The following CIT variants were observed in gnomAD, a reference collection of about 807,000 sequenced individuals.
CIT encodes the protein citron Rho-interacting kinase.
In CIT, 79 loss-of-function variants were observed where a neutral mutation model predicts 272.7. That is an observed-to-expected ratio of 0.29 (90% CI 0.24 to 0.35). The LOEUF is 0.35. Ranked by LOEUF, CIT falls within the 10% of genes least tolerant of loss-of-function variation. CIT has a pLI of 1.00. For synonymous variants in CIT, 948 were observed against 995.6 expected (o/e 0.95, Z 0.90); for missense variants, 1,909 against 2,618.3 (o/e 0.73, Z 5.91).
chr12:119,815,149 T>C (rs1390443310), intron 9 of CIT, among the ~76,000 whole-genome samples: 1 of 146,874 alleles, frequency 6.8e-6, no homozygotes, highest in African/African-American at 2.5e-5. Flanking sequence ...GCACAAGCCA[T>C]TGAGATAATG....
At chr12:119,773,250 T>C (rs988406761) in intron 16 of CIT, among the ~76,000 whole-genome samples, 1 of 152,190 alleles carries the variant, frequency 6.6e-6, no homozygotes, top group Non-Finnish European at 1.5e-5. Flanking sequence ...GCATCTTCGA[T>C]TCGATGCAAC....
intron 7 of CIT, among the ~76,000 whole-genome samples, chr12:119,828,191 T>C (rs1394302850): frequency 1.3e-5 from 2 of 152,240 alleles, no homozygotes; most frequent in South Asian, 2.1e-4. Context: ...TTTCTAAATT[T>C]TATTAATTTG....
intron 5 of CIT, among the ~76,000 whole-genome samples, chr12:119,845,943 AAC>A (rs58381184): frequency 0.027 from 3,722 of 136,888 alleles, 52 homozygotes; most frequent in South Asian, 0.055. Context: ...TCCATCTCAA[AAC>A]ACACACACAC....
chr12:119,759,076 T>C (rs1203508649), intron 20 of CIT, among the ~76,000 whole-genome samples: 1 of 152,068 alleles, frequency 6.6e-6, no homozygotes, highest in Non-Finnish European at 1.5e-5. Context: ...TCCTCGAGGG[T>C]TGTCATTTTC....
In CIT at chr12:119,695,151, A is replaced by G. The variant is rs1468812280; in HGVS notation, c.5882+2508T>C. Among the ~76,000 whole-genome samples, 4 of 152,338 alleles carry G rather than the reference A, an allele frequency of 2.6e-5. No individual in the cohort carries two copies. In the East Asian group the frequency reaches 7.7e-4, roughly 29 times the overall value. On this transcript the variant is annotated intron_variant, in intron 46 of 47. Transcript: ENST00000392521. ...TATGCAAGAAAAACAAAGGAATCTC[A>G]GCAAGAACCGAATGTTTTGTGACAT... is the stretch of plus-strand genomic sequence containing the variant.
At chr12:119,786,530 T>C (rs1964811359) in intron 10 of CIT, among the ~76,000 whole-genome samples, 1 of 152,190 alleles carries the variant, frequency 6.6e-6, no homozygotes, top group Non-Finnish European at 1.5e-5. Context: ...CACAGAGAGA[T>C]GTGGCAGAGC....
At chr12:119,835,080 A>G (rs1044178328) in intron 5 of CIT, among the ~76,000 whole-genome samples, 1 of 152,238 alleles carries the variant, frequency 6.6e-6, no homozygotes, top group Non-Finnish European at 1.5e-5. Context: ...CTTGAAGAAG[A>G]ATATGAAGCC....
At chr12:119,700,881 C>G in intron 43 of CIT, 56 bp from the exon 44 acceptor site, 1 of 1,377,424 alleles carries the variant, frequency 7.3e-7, no homozygotes, top group Non-Finnish European at 1.0e-6. Flanking sequence ...GGGGCATCAG[C>G]GACACACATG....
intron 22 of CIT, among the ~76,000 whole-genome samples, chr12:119,756,620 T>C (rs1565995619): frequency 6.6e-6 from 1 of 152,116 alleles, no homozygotes; most frequent in South Asian, 2.1e-4. Flanking sequence ...TTTTGGAGCA[T>C]TGCAGGGAGA....
chr12:119,876,234 C>A, intron 1 of CIT, 53 bp from the exon 2 acceptor site: 1 of 1,086,260 alleles, frequency 9.2e-7, no homozygotes, highest in Non-Finnish European at 1.4e-6. Context: ...GCAGGAAGGG[C>A]CTGAGAGATC....
chr12:119,756,534 C>G lies in CIT; in HGVS notation c.2706+837G>C, dbSNP rs576952697. The stretch of plus-strand genomic sequence containing the variant: ...GTCCCTCCTTGGCCCGCGGCCCATC[C>G]AAGGTGCTCTTCCTTTCCATCTGAG... On this transcript the variant is annotated intron_variant, in intron 22 of 47. Transcript: ENST00000392521. 3.3e-5 allele frequency among the ~76,000 whole-genome samples: 5 copies of G among 152,276 alleles called. No individual in the cohort carries two copies. In the South Asian group the frequency reaches 1.0e-3, roughly 32 times the overall value.
chr12:119,721,268 T>TG (rs1565940199), intron 29 of CIT, 41 bp downstream of exon 29: 1 of 1,568,750 alleles, frequency 6.4e-7, no homozygotes, highest in African/African-American at 1.3e-5. Context: ...CGCCCAGCCG[T>TG]GCAGACCATT....
rs984242188 is a variant in CIT at position 119,757,315 on chromosome 12, G to A, written c.2706+56C>T. ...TTGATTTGTGCTCGAAAGCTGACTTGTTCAGAGCCCGAATCGCCCAGCAAA... is the reference window on the plus strand; with the variant it reads ...TTGATTTGTGCTCGAAAGCTGACTTATTCAGAGCCCGAATCGCCCAGCAAA... On this transcript the variant is annotated intron_variant, in intron 22 of 47. Coordinates refer to ENST00000392521, the MANE Select transcript of CIT (RefSeq NM_001206999.2). The A allele has an allele frequency of 5.9e-5, 94 of 1,599,938 alleles. No homozygotes were observed. In the Admixed American group the frequency reaches 1.5e-3, roughly 26 times the overall value.
At position 119,718,993 on chromosome 12, in the gene CIT, A is replaced by C; in HGVS notation, c.3841-132T>G. On this transcript the variant is annotated intron_variant, in intron 30 of 47. Transcript: ENST00000392521. The surrounding 1 kb of genome is among the most constrained non-coding windows in gnomAD (Gnocchi z 4.8). ...CTCACTGTAAGTGTATTTAGTAAAA[A>C]TGGCATGTGAAGGGGGGGAAGGGTA... 1 of 888,714 alleles carries C rather than the reference A, an allele frequency of 1.1e-6. No individual in the cohort carries two copies. Among genetic ancestry groups the C allele is most frequent in the Non-Finnish European group, 1.7e-6 (1 of 587,224 alleles). The allele number at this position is 888,714 out of a possible 1,614,324, so 55.1% of individuals were successfully genotyped here.
chr12:119,819,461 C>A (rs958300618), intron 9 of CIT, among the ~76,000 whole-genome samples: 11 of 152,294 alleles, frequency 7.2e-5, no homozygotes, highest in African/African-American at 2.6e-4. Context: ...TTTGCCAAGA[C>A]CTTTCTTAAA....
At chr12:119,734,431 GT>G (rs746867410) in intron 25 of CIT, 74 bp from the exon 26 acceptor site, 9 of 1,505,144 alleles carry the variant, frequency 6.0e-6, no homozygotes, top group South Asian at 3.4e-5. Flanking sequence ...GGTCGGGTCA[GT>G]TTCAGAAAAG....
At chr12:119,876,370 A>C (rs1950845473) in intron 1 of CIT, among the ~76,000 whole-genome samples, 189 bp from the exon 2 acceptor site, 1 of 152,130 alleles carries the variant, frequency 6.6e-6, no homozygotes, top group African/African-American at 2.4e-5. Context: ...GAGATGATAC[A>C]CTTATCTGAC....
chr12:119,848,529 AT>A (rs1302211675), intron 5 of CIT, among the ~76,000 whole-genome samples: 26 of 152,138 alleles, frequency 1.7e-4, no homozygotes, highest in Admixed American at 1.6e-3. Flanking sequence ...CCCAAAATGA[AT>A]TTTAGCATTC....
intron 19 of CIT, among the ~76,000 whole-genome samples, chr12:119,762,892 A>T (rs1488725783): frequency 6.6e-6 from 1 of 152,146 alleles, no homozygotes; most frequent in African/African-American, 2.4e-5. Flanking sequence ...TATAAAAAAT[A>T]GTAATTAGCT....
Sources: allele counts gnomAD v4.1 joint callset (sites outside exome capture counted in the v4.1 genomes callset), GRCh38; gene constraint gnomAD v4.1.1; non-coding constraint Gnocchi (gnomAD v3.1); transcripts MANE v1.5; gene names NCBI Gene and HGNC (gene_info 2026-07-23, HGNC 2026-07-21).